The following TENT2 variants were observed in gnomAD, a reference collection of about 807,000 sequenced individuals.
TENT2 encodes terminal nucleotidyltransferase 2, also known as poly(A) RNA polymerase GLD2.
Under a neutral mutation model 72.2 loss-of-function variants are expected in TENT2, and 44 were observed. The ratio of observed to expected loss-of-function variants is 0.61; its 90% confidence interval spans 0.48 to 0.78. The LOEUF (loss-of-function observed/expected upper bound fraction) is 0.78, where lower values mean the gene tolerates loss of function less well. Ranked by LOEUF, TENT2 falls within the 30% of genes least tolerant of loss-of-function variation. TENT2 has a pLI of 0.00. For synonymous variants in TENT2, 212 were observed against 192.5 expected, an observed-to-expected ratio of 1.10 and a Z score of -0.84; for missense variants, 541 against 569.6, an observed-to-expected ratio of 0.95 and a Z score of 0.51.
intron 7 of TENT2, among the ~76,000 whole-genome samples, chr5:79,644,128 T>C (rs1257705006): frequency 1.3e-5 from 2 of 151,958 alleles, no homozygotes; most frequent in Non-Finnish European, 2.9e-5. Context: ...ATTACAGGTG[T>C]GTGCCACCTC....
rs79152551 is a variant in TENT2 at position 79,618,739 on chromosome 5, C to T, written c.-37-873C>T. Reference sequence around the variant, plus strand: ...AACTCTAAAAGTATGTGGGTAGGGCCTGTCAACTAGTTGGCTTCATGTTAA... The same window carrying T: ...AACTCTAAAAGTATGTGGGTAGGGCTTGTCAACTAGTTGGCTTCATGTTAA... On this transcript the variant is annotated intron_variant, in intron 1 of 14. Transcript: ENST00000453514. Among the ~76,000 whole-genome samples, 986 of 152,258 alleles carry T rather than the reference C, an allele frequency of 6.5e-3. 6 individuals are homozygous for T. Among genetic ancestry groups the T allele is most frequent in the Non-Finnish European group, 0.01 (701 of 68,032 alleles).
Position 79,682,047 on chromosome 5 carries a change from G to T in TENT2, c.1366G>T (p.Asp456Tyr). ...HEKQKFDMIK[D>Y]QFLKSWHRLK... ...AAAGCAGAAATTTGATATGATCAAG[G>T]ATCAATTTTTAAAGGTAAACAATGC... Residue 456 changes from aspartate (D) to tyrosine (Y), a missense_variant, in exon 14 of 15, where the codon GAT becomes TAT. Asp to Tyr is a radical substitution (Grantham distance 160). Coordinates refer to ENST00000453514, the MANE Select transcript of TENT2 (RefSeq NM_001114394.3). 1 of 1,612,446 alleles carries T rather than the reference G, an allele frequency of 6.2e-7. No individual in the cohort carries two copies. Among genetic ancestry groups the T allele is most frequent in the Non-Finnish European group, 8.5e-7 (1 of 1,178,930 alleles).
rs577941019 is a variant in TENT2 at position 79,624,729 on chromosome 5, A to T, written c.465+1240A>T. 5.3e-5 allele frequency among the ~76,000 whole-genome samples: 8 copies of T among 152,324 alleles called. No individual in the cohort carries two copies. In the East Asian group the frequency reaches 1.5e-3, roughly 29 times the overall value. On this transcript the variant is annotated intron_variant, in intron 4 of 14. Transcript: ENST00000453514. ...GGTTCATCCACGTTGTAGCATACAC[A>T]TCAGTACTTCATTCCTTTTTATAGC... is the stretch of plus-strand genomic sequence containing the variant.
chr5:79,624,370 C>A (rs527799803), intron 4 of TENT2, among the ~76,000 whole-genome samples: 6 of 152,274 alleles, frequency 3.9e-5, no homozygotes, highest in African/African-American at 1.4e-4. Flanking sequence ...CTGCTTCATT[C>A]CTTAGTTGTG....
chr5:79,642,006 T>G, intron 6 of TENT2, among the ~76,000 whole-genome samples: 1 of 152,152 alleles, frequency 6.6e-6, no homozygotes, highest in Middle Eastern at 3.4e-3. Context: ...GATACTCCTG[T>G]GTATAATACT....
At chr5:79,684,593 A>G (rs1825140880) in intron 14 of TENT2, among the ~76,000 whole-genome samples, 1 of 152,206 alleles carries the variant, frequency 6.6e-6, no homozygotes, top group African/African-American at 2.4e-5. Flanking sequence ...GCTAGTAAAG[A>G]TGTAAGACAG....
chr5:79,676,119 T>G (rs1817058273), intron 12 of TENT2, among the ~76,000 whole-genome samples: 1 of 150,508 alleles, frequency 6.6e-6, no homozygotes, highest in Non-Finnish European at 1.5e-5. Context: ...TTTGTTCACT[T>G]AATTTTACTA....
intron 11 of TENT2, among the ~76,000 whole-genome samples, chr5:79,666,819 G>T (rs1378605395): frequency 6.6e-6 from 1 of 152,066 alleles, no homozygotes; most frequent in Non-Finnish European, 1.5e-5. Flanking sequence ...TGATCCTTCT[G>T]CCTTGGCCTC....
At chr5:79,656,803 C>CT (rs773738989) in intron 10 of TENT2, 155 bp from the exon 11 acceptor site, 25 of 520,068 alleles carry the variant, frequency 4.8e-5, no homozygotes, top group Non-Finnish European at 7.4e-5. Context: ...TAAATACAAA[C>CT]TTAGGGATAA....
intron 10 of TENT2, among the ~76,000 whole-genome samples, chr5:79,651,596 A>G (rs1052647958): frequency 6.6e-6 from 1 of 152,000 alleles, no homozygotes; most frequent in Non-Finnish European, 1.5e-5. Flanking sequence ...GCACACACAC[A>G]CACATTTTGA....
chr5:79,617,232 A>G (rs1168186257), intron 1 of TENT2, among the ~76,000 whole-genome samples: 1 of 151,522 alleles, frequency 6.6e-6, no homozygotes, highest in African/African-American at 2.4e-5. Flanking sequence ...CATCCTCCAT[A>G]TAAAACTTGT....
chr5:79,621,772 AC>A (rs144454079), intron 3 of TENT2, among the ~76,000 whole-genome samples: 69 of 128,934 alleles, frequency 5.4e-4, no homozygotes, highest in African/African-American at 2.5e-3. Flanking sequence ...AAAAAAAAAA[AC>A]AAAAAAAACA....
rs190486730 is a variant in TENT2, at chr5:79,619,561, T to C, written c.-37-51T>C. The stretch of plus-strand genomic sequence containing the variant: ...AGTGGATAATAGTTATCAAAGTGTT[T>C]AGTGTCTTTAAGCTATGATAATTTA... On this transcript the variant is annotated intron_variant, in intron 1 of 14. Transcript: ENST00000453514. 9 of 1,276,642 alleles carry C rather than the reference T, an allele frequency of 7.0e-6. No individual in the cohort carries two copies. The East Asian group carries it at 1.3e-4, about 18-fold the overall frequency. The allele number at this position is 1,276,642 out of a possible 1,614,324, so 79.1% of individuals were successfully genotyped here.
chr5:79,680,565 A>G (rs1278955961), intron 13 of TENT2, among the ~76,000 whole-genome samples: 1 of 152,196 alleles, frequency 6.6e-6, no homozygotes, highest in African/African-American at 2.4e-5. Flanking sequence ...ATTTAAAATT[A>G]TGGGCCTGTG....
chr5:79,676,131 T>C (rs1050646374), intron 12 of TENT2, among the ~76,000 whole-genome samples: 1 of 144,568 alleles, frequency 6.9e-6, no homozygotes, highest in Non-Finnish European at 1.5e-5. Flanking sequence ...ATTTTACTAG[T>C]ATATATACAT....
chr5:79,633,878 G>T (rs540079414), intron 4 of TENT2, among the ~76,000 whole-genome samples: 39 of 151,434 alleles, frequency 2.6e-4, no homozygotes, highest in African/African-American at 9.4e-4. Flanking sequence ...CTGGGGCTGG[G>T]TGCAGTGGCT....
intron 11 of TENT2, among the ~76,000 whole-genome samples, chr5:79,666,605 T>C (rs1808269259): frequency 6.6e-6 from 1 of 152,140 alleles, no homozygotes; most frequent in Non-Finnish European, 1.5e-5. Context: ...TTGCCTAAGC[T>C]GGTCTCAAAC....
intron 12 of TENT2, 37 bp downstream of exon 12, chr5:79,669,065 T>C (rs1295627745): frequency 1.4e-6 from 2 of 1,462,506 alleles, no homozygotes; most frequent in Non-Finnish European, 1.9e-6. Flanking sequence ...TTCACTTATA[T>C]GTGTGTGTGT....
At position 79,686,498 on chromosome 5, in the gene TENT2, T is replaced by G. The variant is rs1045038473; in HGVS notation, c.*1225T>G. The G allele has an allele frequency of 1.3e-5, 2 of 152,074 alleles. No homozygotes were observed. Among genetic ancestry groups the G allele is most frequent in the Non-Finnish European group, 2.9e-5 (2 of 68,016 alleles). The allele number at this position is 152,074 out of a possible 1,614,324, so 9.4% of individuals were successfully genotyped here. A position where few individuals can be genotyped will look rare whatever the true frequency, so the allele number is the denominator to read the frequency against. On this transcript the variant is annotated 3_prime_UTR_variant, in exon 15 of 15. Coordinates refer to ENST00000453514, the MANE Select transcript of TENT2 (RefSeq NM_001114394.3). ...TTTTTAGACCTGCTGTAGTACAGTT[T>G]TGTACCTCTAACGTATTTTTTTTTT...
Sources: allele counts gnomAD v4.1 joint callset (sites outside exome capture counted in the v4.1 genomes callset), GRCh38; gene constraint gnomAD v4.1.1; transcripts MANE v1.5; gene names NCBI Gene and HGNC (gene_info 2026-07-23, HGNC 2026-07-21).